The following NEGR1 variants were observed in gnomAD, a reference collection of about 807,000 sequenced individuals.
The protein encoded by NEGR1 is IgLON family member 4.
Under a neutral mutation model 40.9 loss-of-function variants are expected in NEGR1, and 10 were observed. The ratio of observed to expected loss-of-function variants is 0.24; its 90% CI spans 0.15 to 0.42. The LOEUF is 0.42. Among genes scored for constraint, NEGR1 ranks in the 10% least tolerant of loss-of-function variants. The probability of loss-of-function intolerance (pLI) is 1.00; values close to 1 mark genes in which losing one functional copy is unlikely to be tolerated. For synonymous variants in NEGR1, 185 were observed against 166.8 expected (o/e 1.11, Z -0.84); for missense variants, 352 against 438.9 (o/e 0.80, Z 1.77).
chr1:72,188,788 A>C (rs528609095), intron 1 of NEGR1, among the ~76,000 whole-genome samples: 2 of 151,684 alleles, frequency 1.3e-5, no homozygotes, highest in East Asian at 1.9e-4. Context: ...TCTAATAAGA[A>C]TTAAACAATT....
chr1:71,915,913 C>T (rs601452), intron 2 of NEGR1, among the ~76,000 whole-genome samples: 1 of 152,072 alleles, frequency 6.6e-6, no homozygotes, highest in East Asian at 1.9e-4. Flanking sequence ...ATGATAGGAC[C>T]GCCAAAAGGA....
intron 2 of NEGR1, among the ~76,000 whole-genome samples, chr1:71,793,169 T>C (rs1657177211): frequency 1.4e-5 from 2 of 142,490 alleles, no homozygotes; most frequent in South Asian, 2.3e-4. Flanking sequence ...GTAGGAACAA[T>C]TGATTGGGAT....
chr1:71,913,539 TTGGATGTCTCAGCC>T (rs777539273), intron 2 of NEGR1, among the ~76,000 whole-genome samples: 62 of 152,210 alleles, frequency 4.1e-4, no homozygotes, highest in Admixed American at 4.6e-4. Context: ...GTTCTCGTTT[TTGGATGTCTCAGCC>T]TTAGCAATTC....
intron 6 of NEGR1, among the ~76,000 whole-genome samples, chr1:71,431,800 T>C (rs1162855178): frequency 6.6e-6 from 1 of 152,186 alleles, no homozygotes; most frequent in East Asian, 1.9e-4. Flanking sequence ...AGGGTATTCT[T>C]TTATGTATGA....
rs182523529 is a variant in NEGR1 at position 71,654,076 on chromosome 1, G to A, written c.668-42930C>T. 2.2e-3 allele frequency among the ~76,000 whole-genome samples: 330 copies of A among 152,138 alleles called. 6 individuals are homozygous for A. The highest frequency in any genetic ancestry group is 0.019 in the Admixed American group (297 of 15,290). Reference sequence around the variant, plus strand: ...GAACCTTCAAGTCATATTGATAAGCGAAAGAAGCCAGTCTGTAAAGGCTAC... The same window carrying A: ...GAACCTTCAAGTCATATTGATAAGCAAAAGAAGCCAGTCTGTAAAGGCTAC... On this transcript the variant is annotated intron_variant, in intron 4 of 6. Coordinates refer to ENST00000357731, the MANE Select transcript of NEGR1 (RefSeq NM_173808.3).
At chr1:71,443,234 A>G (rs529824916) in intron 6 of NEGR1, among the ~76,000 whole-genome samples, 73 of 152,148 alleles carry the variant, frequency 4.8e-4, no homozygotes, top group Admixed American at 1.0e-3. Context: ...TGGGGATACA[A>G]TGGGTGTTCA....
chr1:72,088,203 T>A (rs1427652954), intron 1 of NEGR1, among the ~76,000 whole-genome samples: 1 of 152,122 alleles, frequency 6.6e-6, no homozygotes, highest in Non-Finnish European at 1.5e-5. Flanking sequence ...AGATAACCTG[T>A]TAGTGTGGTC....
At chr1:72,139,832 T>C (rs1182682689) in intron 1 of NEGR1, among the ~76,000 whole-genome samples, 6 of 152,120 alleles carry the variant, frequency 3.9e-5, no homozygotes, top group Admixed American at 2.0e-4. Context: ...GGTTGTATTA[T>C]ATGTAATATA....
intron 1 of NEGR1, among the ~76,000 whole-genome samples, chr1:72,015,426 A>G (rs1646700846): frequency 6.6e-6 from 1 of 152,082 alleles, no homozygotes; most frequent in Admixed American, 6.6e-5. Context: ...CTATTCAACT[A>G]AAATTATTGT....
rs374600157 is a variant in NEGR1 at position 71,661,646 on chromosome 1, G to A, written c.667+36362C>T. ...CCCGTTACAAATAAAATAAGTACAT[G>A]TTCAAAGTCAGATAATCAGAATGTG... On this transcript the variant is annotated intron_variant, in intron 4 of 6. Coordinates refer to ENST00000357731, the MANE Select transcript of NEGR1 (RefSeq NM_173808.3). 4.1e-4 allele frequency among the ~76,000 whole-genome samples: 63 copies of A among 152,298 alleles called. 2 individuals carry two copies. Among genetic ancestry groups the A allele is most frequent in the East Asian group, 2.5e-3 (13 of 5,190 alleles).
intron 6 of NEGR1, among the ~76,000 whole-genome samples, chr1:71,541,040 T>G (rs968229294): frequency 6.6e-6 from 1 of 151,528 alleles, no homozygotes; most frequent in Non-Finnish European, 1.5e-5. Flanking sequence ...TCCACCCCCA[T>G]GATCAAAACA....
intron 4 of NEGR1, among the ~76,000 whole-genome samples, chr1:71,676,910 C>T (rs899918835): frequency 3.9e-5 from 6 of 152,126 alleles, no homozygotes; most frequent in Admixed American, 3.3e-4. Context: ...CTGAGGGTAG[C>T]TCATTTGGTA....
At chr1:71,901,295 A>G (rs990300658) in intron 2 of NEGR1, among the ~76,000 whole-genome samples, 4 of 152,216 alleles carry the variant, frequency 2.6e-5, no homozygotes, top group Non-Finnish European at 4.4e-5. Flanking sequence ...TACTACTGCT[A>G]ATAATAGCAA....
rs139999021 is a variant in NEGR1, at chr1:72,227,151, A to G, written c.176+55168T>C. Among the ~76,000 whole-genome samples, 16 of 152,214 alleles carry G rather than the reference A, an allele frequency of 1.1e-4. No individual in the cohort carries two copies. The East Asian group carries it at 1.7e-3, about 17-fold the overall frequency. On this transcript the variant is annotated intron_variant, in intron 1 of 6. Coordinates refer to ENST00000357731, the MANE Select transcript of NEGR1 (RefSeq NM_173808.3). ...CTTTGAATCCACAAAAAATGAGTTAATTTTCTTGGAACTCAGTTTCCTCAT... is the reference window on the plus strand; with the variant it reads ...CTTTGAATCCACAAAAAATGAGTTAGTTTTCTTGGAACTCAGTTTCCTCAT...
At chr1:71,715,844 C>T (rs1451760563) in intron 3 of NEGR1, among the ~76,000 whole-genome samples, 2 of 152,178 alleles carry the variant, frequency 1.3e-5, no homozygotes, top group African/African-American at 4.8e-5. Context: ...TTTCCCACAT[C>T]TTCCTGTCTT....
intron 1 of NEGR1, among the ~76,000 whole-genome samples, chr1:71,986,457 C>T (rs575962289): frequency 7.9e-5 from 12 of 152,314 alleles, no homozygotes; most frequent in East Asian, 7.7e-4. Context: ...CTTCATCCTC[C>T]GCTTCTTCCC....
chr1:71,907,173 T>C (rs1390461270), intron 2 of NEGR1, among the ~76,000 whole-genome samples: 1 of 152,148 alleles, frequency 6.6e-6, no homozygotes, highest in East Asian at 1.9e-4. Flanking sequence ...AAACTCATGC[T>C]TCCAAGAGAT....
In NEGR1 at chr1:72,119,806, G is replaced by C. The variant is rs1649729046; in HGVS notation, c.176+162513C>G. On this transcript the variant is annotated intron_variant, in intron 1 of 6. Coordinates refer to ENST00000357731, the MANE Select transcript of NEGR1 (RefSeq NM_173808.3). ...AATTATTCAGCCCAAAATGTCAATA[G>C]TGTTGAGGTTGAAAAGTCCTAGAAT... 2.0e-5 allele frequency among the ~76,000 whole-genome samples: 3 copies of C among 152,048 alleles called. No homozygotes were observed. The South Asian group carries it at 6.2e-4, about 32-fold the overall frequency.
At chr1:71,628,006 A>C (rs1650843203) in intron 4 of NEGR1, among the ~76,000 whole-genome samples, 1 of 152,050 alleles carries the variant, frequency 6.6e-6, no homozygotes, top group South Asian at 2.1e-4. Flanking sequence ...GTGTTATGAG[A>C]ACTCCCAAGA....
Sources: gnomAD v4.1 joint callset for allele counts (sites outside exome capture counted in the v4.1 genomes callset) on GRCh38, gnomAD v4.1.1 for gene constraint, MANE v1.5 for transcripts, NCBI Gene and HGNC (gene_info 2026-07-23, HGNC 2026-07-21) for gene names.